WWC1: variants seen among roughly 807,000 people sequenced by gnomAD.
The protein encoded by WWC1 is protein KIBRA.
A neutral mutation model predicts 138.4 loss-of-function variants in WWC1; 55 were observed. The observed-to-expected ratio is 0.40, with a 90% CI of 0.32 to 0.50. WWC1 has a LOEUF of 0.50. Among genes scored for constraint, WWC1 ranks in the 20% least tolerant of loss-of-function variants. The pLI is 0.72. For missense variants in WWC1, 1,226 were observed against 1,420.4 expected (o/e 0.86, Z 2.20); for synonymous variants, 524 against 564.9 (o/e 0.93, Z 1.03).
At chr5:168,390,750 C>G (rs569524066) in intron 3 of WWC1, among the ~76,000 whole-genome samples, 1 of 152,262 alleles carries the variant, frequency 6.6e-6, no homozygotes, top group Non-Finnish European at 1.5e-5. Context: ...GTCCCAGACA[C>G]AGACGGGGCC....
chr5:168,339,991 C>CTCTCTCTT (rs1375638560), intron 1 of WWC1, among the ~76,000 whole-genome samples: 6,119 of 130,642 alleles, frequency 0.047, 505 homozygotes, highest in African/African-American at 0.16. Context: ...CTCTTTCTCT[C>CTCTCTCTT]TCTCTCTTTC....
chr5:168,422,699 A>G (rs1264890539), intron 10 of WWC1, among the ~76,000 whole-genome samples: 1 of 152,242 alleles, frequency 6.6e-6, no homozygotes, highest in Non-Finnish European at 1.5e-5. Context: ...CTGGGCCTCC[A>G]TGAACAACAG....
chr5:168,339,566 T>C (rs1387947583), intron 1 of WWC1, among the ~76,000 whole-genome samples: 3 of 152,170 alleles, frequency 2.0e-5, no homozygotes, highest in South Asian at 2.1e-4. Context: ...GTGAGTTACT[T>C]ACCCTCTGTA....
chr5:168,406,309 A>G lies in WWC1; in HGVS notation c.702A>G (p.Glu234=). The change falls in exon 6 of 23, where the codon GAA becomes GAG. Residue 234 remains glutamate, a synonymous_variant. Coordinates refer to ENST00000265293, the MANE Select transcript of WWC1 (RefSeq NM_015238.3). ...AGGCTATTACCTGTGGGGAAAAGGA[A>G]AAGCAAGATCTCATTAAGGTATGCA... ...IKKAITCGEK[E]KQDLIKSLAM... 6.2e-7 allele frequency: 1 copy of G among 1,614,020 alleles called. No individual in the cohort carries two copies. The highest frequency in any genetic ancestry group is 8.5e-7 in the Non-Finnish European group (1 of 1,179,906).
At chr5:168,449,969 G>A (rs1582345069) in intron 17 of WWC1, among the ~76,000 whole-genome samples, 2 of 152,296 alleles carry the variant, frequency 1.3e-5, no homozygotes, top group African/African-American at 4.8e-5. Flanking sequence ...GTACAGAAGA[G>A]GTTTTAATTG....
chr5:168,355,235 T>C (rs1462486228), intron 1 of WWC1, among the ~76,000 whole-genome samples: 1 of 152,012 alleles, frequency 6.6e-6, no homozygotes. Flanking sequence ...GGCTCACGCC[T>C]GTAATCCCAG....
At chr5:168,431,153 A>G in intron 14 of WWC1, 99 bp from the exon 15 acceptor site, 3 of 1,067,326 alleles carry the variant, frequency 2.8e-6, no homozygotes, top group South Asian at 3.1e-5. Flanking sequence ...ACTCTCATCC[A>G]CTGTTGTTTG....
At chr5:168,417,144 G>A (rs1305313525) in intron 9 of WWC1, among the ~76,000 whole-genome samples, 2 of 151,954 alleles carry the variant, frequency 1.3e-5, no homozygotes, top group East Asian at 1.9e-4. Context: ...TGAGATTACA[G>A]GCATGACCCA....
At chr5:168,369,428 G>A (rs1776567416) in intron 1 of WWC1, among the ~76,000 whole-genome samples, 1 of 152,080 alleles carries the variant, frequency 6.6e-6, no homozygotes, top group South Asian at 2.1e-4. Context: ...TTAGAGTCAG[G>A]GTCTGGCTCT....
intron 3 of WWC1, among the ~76,000 whole-genome samples, chr5:168,386,424 G>A (rs183218659): frequency 3.4e-5 from 5 of 147,096 alleles, no homozygotes; most frequent in East Asian, 2.0e-4. Context: ...ACGGAGTCTC[G>A]CTCTGTTGCC....
chr5:168,430,293 C>T, intron 14 of WWC1, 70 bp downstream of exon 14: 1 of 1,288,594 alleles, frequency 7.8e-7, no homozygotes, highest in South Asian at 1.3e-5. Context: ...GGTCACTTTT[C>T]TGCCCTGTCC....
intron 3 of WWC1, among the ~76,000 whole-genome samples, chr5:168,389,515 C>T (rs542962340): frequency 4.7e-5 from 7 of 149,736 alleles, no homozygotes; most frequent in South Asian, 2.1e-4. Flanking sequence ...TGGACTCTGA[C>T]ATCAGACAAC....
intron 1 of WWC1, among the ~76,000 whole-genome samples, chr5:168,326,875 G>T (rs1772608368): frequency 6.7e-6 from 1 of 148,648 alleles, no homozygotes; most frequent in South Asian, 2.2e-4. Context: ...TAGAAACCTA[G>T]AACAAAAATA....
chr5:168,372,079 G>T (rs1216235563), intron 2 of WWC1, among the ~76,000 whole-genome samples: 1 of 151,600 alleles, frequency 6.6e-6, no homozygotes, highest in East Asian at 1.9e-4. Flanking sequence ...GTGTGTGTGT[G>T]TGTGTGTGTG....
chr5:168,401,185 A>G (rs1779281643), intron 5 of WWC1, among the ~76,000 whole-genome samples: 1 of 152,182 alleles, frequency 6.6e-6, no homozygotes, highest in Non-Finnish European at 1.5e-5. Flanking sequence ...TATTGTTGTT[A>G]TTAACTACAG....
intron 1 of WWC1, among the ~76,000 whole-genome samples, chr5:168,360,986 G>T (rs983809592): frequency 9.2e-5 from 14 of 152,216 alleles, no homozygotes; most frequent in Admixed American, 2.6e-4. Context: ...AAGGAATAAG[G>T]CTGGGAGTTG....
intron 16 of WWC1, among the ~76,000 whole-genome samples, chr5:168,443,608 G>C (rs1038455155): frequency 6.6e-6 from 1 of 152,184 alleles, no homozygotes; most frequent in African/African-American, 2.4e-5. Context: ...CATTTCTCAA[G>C]TGAGTCATAA....
rs559230247 is a variant in WWC1, at chr5:168,436,346, A to G, written c.2280+4902A>G. On this transcript the variant is annotated intron_variant, in intron 15 of 22. Transcript: ENST00000265293. The stretch of plus-strand genomic sequence containing the variant: ...CTTCCAGTGTTCTCCCCTCACCTCT[A>G]GCATGTTGGTCTCCTTTGCTGATTC... 2.0e-5 allele frequency among the ~76,000 whole-genome samples: 3 copies of G among 152,022 alleles called. No homozygotes were observed. In the East Asian group the frequency reaches 5.8e-4, roughly 29 times the overall value.
intron 18 of WWC1, 86 bp from the exon 19 acceptor site, chr5:168,455,270 A>G (rs1033048422): frequency 2.1e-6 from 3 of 1,444,724 alleles, no homozygotes; most frequent in Non-Finnish European, 2.8e-6. Context: ...AGGTGACAGG[A>G]GGGAAGAGGA....
Sources: allele counts gnomAD v4.1 joint callset (sites outside exome capture counted in the v4.1 genomes callset), GRCh38; gene constraint gnomAD v4.1.1; transcripts MANE v1.5; gene names NCBI Gene and HGNC (gene_info 2026-07-23, HGNC 2026-07-21).